LCOR: variants seen among roughly 807,000 people sequenced by gnomAD.
LCOR encodes ligand-dependent corepressor.
LCOR carries 14 observed loss-of-function variants against 64.4 expected under a neutral mutation model. The ratio of observed to expected loss-of-function variants is 0.22; its 90% CI spans 0.14 to 0.34. The LOEUF (loss-of-function observed/expected upper bound fraction) is 0.34. LCOR is among the 10% of genes least tolerant of loss of function. LCOR has a pLI of 1.00. For missense variants in LCOR, 1,686 were observed against 1,765.3 expected (o/e 0.96, Z 0.80); for synonymous variants, 643 against 642.5 (o/e 1.00, Z -0.01).
At chr10:96,940,130 A>C (rs1396593571) in intron 4 of LCOR, among the ~76,000 whole-genome samples, 7 of 152,210 alleles carry the variant, frequency 4.6e-5, no homozygotes, top group African/African-American at 7.2e-5. Context: ...AATAAAAAAG[A>C]TAACAAGTGT....
chr10:96,950,051 C>G (rs553915964), intron 6 of LCOR, among the ~76,000 whole-genome samples: 1 of 152,246 alleles, frequency 6.6e-6, no homozygotes, highest in Admixed American at 6.5e-5. Context: ...AAAATTGAAG[C>G]AAGCATTTCA....
intron 7 of LCOR, among the ~76,000 whole-genome samples, chr10:96,970,624 A>ATTTTATTTTATTTTATTTAT (rs1181172810): frequency 4.6e-5 from 6 of 129,288 alleles, no homozygotes; most frequent in East Asian, 2.7e-4. Flanking sequence ...ATTTTATTTT[A>ATTTTATTTTATTTTATTTAT]TTTATTTTAT....
At chr10:96,951,673 T>A (rs897409291) in intron 6 of LCOR, among the ~76,000 whole-genome samples, 1 of 152,166 alleles carries the variant, frequency 6.6e-6, no homozygotes, top group African/African-American at 2.4e-5. Flanking sequence ...TTTTGGAGTT[T>A]CAGGTAGATT....
chr10:96,956,736 T>C, intron 7 of LCOR: 3 of 985,786 alleles, frequency 3.0e-6, no homozygotes, highest in Non-Finnish European at 3.6e-6. Flanking sequence ...GAGGACGAGC[T>C]CCGTATTTAC....
At chr10:96,853,055 G>A (rs1845746540) in intron 2 of LCOR, among the ~76,000 whole-genome samples, 2 of 152,026 alleles carry the variant, frequency 1.3e-5, no homozygotes, top group Admixed American at 1.3e-4. Flanking sequence ...GTCACCTTTT[G>A]TGTTTTTTTG....
At chr10:96,909,005 G>A (rs1846781454) in intron 4 of LCOR, among the ~76,000 whole-genome samples, 1 of 151,984 alleles carries the variant, frequency 6.6e-6, no homozygotes, top group Non-Finnish European at 1.5e-5. Context: ...GTGAGCCACC[G>A]CGCCCGGCCT....
intron 6 of LCOR, among the ~76,000 whole-genome samples, chr10:96,949,925 A>G (rs932716287): frequency 6.6e-6 from 1 of 152,220 alleles, no homozygotes; most frequent in Admixed American, 6.5e-5. Flanking sequence ...TAATTAAGTG[A>G]TGAAGTTAAG....
At chr10:96,885,940 C>T (rs1846336057) in intron 2 of LCOR, among the ~76,000 whole-genome samples, 1 of 151,982 alleles carries the variant, frequency 6.6e-6, no homozygotes, top group African/African-American at 2.4e-5. Flanking sequence ...TGCAGTGGTG[C>T]AATCTCAGCT....
intron 5 of LCOR, among the ~76,000 whole-genome samples, chr10:96,946,803 C>T (rs1847596947): frequency 6.6e-6 from 1 of 152,004 alleles, no homozygotes. Context: ...GGTCTGTGGT[C>T]CTTGTTCTAA....
In LCOR at chr10:96,981,510, G is replaced by T; in HGVS notation, c.1050G>T (p.Glu350Asp). The T allele has an allele frequency of 6.2e-7, 1 of 1,614,184 alleles. No homozygotes were observed. Residue 350 changes from glutamate to aspartate, a missense_variant, in exon 8 of 8, where the codon GAG (glutamate) becomes GAT (aspartate). Physicochemically the swap from Glu to Asp is conservative, Grantham distance 45. Coordinates refer to ENST00000421806, the MANE Select transcript of LCOR (RefSeq NM_001346516.2). ...QRNLFKALSE[E>D]AWNSGFMGNS... ...ATTTGTTCAAAGCTTTATCAGAAGAGGCTTGGAACTCAGGGTTTATGGGGA... is the reference window on the plus strand; with the variant it reads ...ATTTGTTCAAAGCTTTATCAGAAGATGCTTGGAACTCAGGGTTTATGGGGA...
intron 7 of LCOR, chr10:96,960,872 T>C (rs573623368): frequency 6.6e-6 from 1 of 152,308 alleles, no homozygotes; most frequent in East Asian, 1.9e-4. Context: ...AATTCTGTAC[T>C]GGAGACTTGA....
intron 7 of LCOR, chr10:96,955,917 G>T: frequency 6.2e-7 from 1 of 1,612,004 alleles, no homozygotes; most frequent in Non-Finnish European, 8.5e-7. Flanking sequence ...ATCAAAAAAC[G>T]AGTAGGAATA....
Position 96,952,171 on chromosome 10 carries a change from G to A in LCOR, c.307G>A (p.Gly103Ser). 6.2e-7 allele frequency: 1 copy of A among 1,613,836 alleles called. No individual in the cohort carries two copies. The highest frequency in any genetic ancestry group is 1.7e-4 in the Middle Eastern group (1 of 6,060). Residue 103 changes from glycine (G) to serine (S), a missense_variant, in exon 7 of 8, where the codon GGC (glycine) becomes AGC (serine). Physicochemically the swap from Gly to Ser is moderately conservative, Grantham distance 56 (BLOSUM62 0). Coordinates refer to ENST00000421806, the MANE Select transcript of LCOR (RefSeq NM_001346516.2). The part of the protein sequence containing the change: ...AGSTSLSHSP[G>S]CSSTQGNGEN... ...CAGCACTTCCCTGAGCCACTCTCCA[G>A]GCTGCTCCAGTACTCAAGGGAACGG...
intron 7 of LCOR, 80 bp downstream of exon 7, chr10:96,952,276 T>A: frequency 1.1e-6 from 1 of 948,552 alleles, no homozygotes; most frequent in Non-Finnish European, 1.7e-6. Flanking sequence ...CCTTTTACAT[T>A]TTAAAAAATA....
intron 7 of LCOR, among the ~76,000 whole-genome samples, chr10:96,972,754 G>C (rs1453279385): frequency 6.6e-6 from 1 of 152,144 alleles, no homozygotes; most frequent in Non-Finnish European, 1.5e-5. Flanking sequence ...CAGAAAGGTA[G>C]CAAACTATGG....
chr10:96,969,334 C>G (rs1360330820), intron 7 of LCOR, among the ~76,000 whole-genome samples: 1 of 152,206 alleles, frequency 6.6e-6, no homozygotes, highest in Non-Finnish European at 1.5e-5. Flanking sequence ...TGGAATGCTG[C>G]TTTCCTGCAT....
intron 6 of LCOR, 66 bp downstream of exon 6, chr10:96,949,361 A>G: frequency 7.1e-7 from 1 of 1,401,760 alleles, no homozygotes. Flanking sequence ...GAAAAAAAAA[A>G]GCATTGGCAA....
intron 7 of LCOR, among the ~76,000 whole-genome samples, chr10:96,970,624 A>ATTTTATTTTATTTATTTTAT: frequency 7.7e-6 from 1 of 129,338 alleles, no homozygotes; most frequent in South Asian, 2.5e-4. Flanking sequence ...ATTTTATTTT[A>ATTTTATTTTATTTATTTTAT]TTTATTTTAT....
intron 7 of LCOR, among the ~76,000 whole-genome samples, chr10:96,980,273 C>T (rs1029700650): frequency 6.6e-6 from 1 of 152,006 alleles, no homozygotes; most frequent in Non-Finnish European, 1.5e-5. Context: ...GATTATTTAA[C>T]AGGAATACCC....
Sources: gnomAD v4.1 joint callset for allele counts (sites outside exome capture counted in the v4.1 genomes callset) on GRCh38, gnomAD v4.1.1 for gene constraint, MANE v1.5 for transcripts, NCBI Gene and HGNC (gene_info 2026-07-23, HGNC 2026-07-21) for gene names.